The following PALB2 variants were observed in gnomAD, a reference collection of about 807,000 sequenced individuals.
PALB2 encodes the protein partner and localizer of BRCA2.
Under a neutral mutation model 107.4 loss-of-function variants are expected in PALB2, and 82 were observed. The ratio of observed to expected loss-of-function variants is 0.76; its 90% CI spans 0.64 to 0.92. The LOEUF (loss-of-function observed/expected upper bound fraction) is 0.92, where lower values mean the gene tolerates loss of function less well. Among genes scored for constraint, PALB2 ranks in the 40% least tolerant of loss-of-function variants. The pLI is 0.00. For missense variants in PALB2, 1,374 were observed against 1,379.9 expected, an observed-to-expected ratio of 1.00 and a Z score of 0.07; for synonymous variants, 489 against 496.8, an observed-to-expected ratio of 0.98 and a Z score of 0.21.
Position 23,629,723 on chromosome 16 carries a change from G to A in PALB2, c.2431C>T (p.Pro811Ser), listed in dbSNP as rs866520250. The A allele has an allele frequency of 1.9e-6, 3 of 1,614,194 alleles. No homozygotes were observed. Among genetic ancestry groups the A allele is most frequent in the Non-Finnish European group, 2.5e-6 (3 of 1,180,030 alleles). ...DCDSVPPGTP[P>S]PIESFTFKEN... ...TTAAAAGTGAATGACTCAATGGGTGGAGGTGTTCCTGGCGGGACAGAGTCA... is the reference window on the plus strand; with the variant it reads ...TTAAAAGTGAATGACTCAATGGGTGAAGGTGTTCCTGGCGGGACAGAGTCA... Residue 811 changes from proline (P) to serine (S), a missense_variant, in exon 5 of 13, where the codon CCA (proline) becomes TCA (serine). Physicochemically the swap from Pro to Ser is moderately conservative, Grantham distance 74. Transcript: ENST00000261584.
At chr16:23,606,821 C>CTTTTTTTTTTTTTTT (rs545664784) in intron 12 of PALB2, among the ~76,000 whole-genome samples, 1 of 108,592 alleles carries the variant, frequency 9.2e-6, no homozygotes, top group African/African-American at 3.9e-5. Context: ...CTGCACCCTG[C>CTTTTTTTTTTTTTTT]TTTTTTTTTT....
In PALB2 at chr16:23,629,255, A is replaced by G. The variant is rs1567216906; in HGVS notation, c.2535T>C (p.Pro845=). 6.2e-7 allele frequency: 1 copy of G among 1,613,724 alleles called. No homozygotes were observed. Residue 845 remains proline (P), a synonymous_variant, in exon 6 of 13, where the codon CCT becomes CCC. Coordinates refer to ENST00000261584, the MANE Select transcript of PALB2 (RefSeq NM_024675.4). ...TGCCTGGGTTTATGCTATCAGAAGC[A>G]GGAAGCTCTGCTGTTTCAGTCTGTG... is the stretch of plus-strand genomic sequence containing the variant. ...SVEQTETAEL[P]ASDSINPGNL...
intron 10 of PALB2, 26 bp from the exon 11 acceptor site, chr16:23,614,117 G>A (rs778509295): frequency 1.1e-5 from 17 of 1,481,076 alleles, no homozygotes; most frequent in Non-Finnish European, 1.4e-5. Context: ...TAAATAAGCT[G>A]ATCACATTCT....
intron 12 of PALB2, 41 bp from the exon 13 acceptor site, chr16:23,603,710 CA>C: frequency 6.8e-7 from 1 of 1,463,408 alleles, no homozygotes. Context: ...ATTACATATC[CA>C]AAAAACAATT....
At chr16:23,638,774 G>A (rs1192206476) in intron 1 of PALB2, among the ~76,000 whole-genome samples, 4 of 152,122 alleles carry the variant, frequency 2.6e-5, no homozygotes, top group Non-Finnish European at 5.9e-5. Flanking sequence ...CTACTGACAG[G>A]GACTACTTTA....
At position 23,621,496 on chromosome 16, in the gene PALB2, T is replaced by C. The variant is rs750052146; in HGVS notation, c.2997-18A>G. 3 of 1,521,596 alleles carry C rather than the reference T, an allele frequency of 2.0e-6. No homozygotes were observed. The highest frequency in any genetic ancestry group is 1.1e-5 in the South Asian group (1 of 89,086). 94.3% of individuals were successfully genotyped at this position (1,521,596 alleles called of 1,614,324 possible). ...CTTTGCCTCTGTAATTAAAACAGTATGAAAAGTCAGTACTTTGCACTAAAG... is the reference window on the plus strand; with the variant it reads ...CTTTGCCTCTGTAATTAAAACAGTACGAAAAGTCAGTACTTTGCACTAAAG... On this transcript the variant is annotated intron_variant, in intron 9 of 12. Coordinates refer to ENST00000261584, the MANE Select transcript of PALB2 (RefSeq NM_024675.4).
intron 10 of PALB2, among the ~76,000 whole-genome samples, chr16:23,620,043 G>T (rs1272406288): frequency 6.6e-6 from 1 of 152,176 alleles, no homozygotes; most frequent in Non-Finnish European, 1.5e-5. Flanking sequence ...GCCTCCCAAA[G>T]TGCTGGGATT....
Position 23,629,651 on chromosome 16 carries a change from A to C in PALB2, c.2503T>G (p.Ser835Ala), listed in dbSNP as rs1343435250. The C allele has an allele frequency of 3.7e-6, 6 of 1,614,114 alleles. No homozygotes were observed. The highest frequency in any genetic ancestry group is 5.1e-6 in the Non-Finnish European group (6 of 1,179,980). ...GAAATGGATTGTACCTGTTCGACGG[A>C]ATGTTTATGCAGCTCCTGGCATGTG... Reference protein sequence around the residue: ...RNTCQELHKHSVEQTETAELP... With the variant: ...RNTCQELHKHAVEQTETAELP... Residue 835 changes from serine (S) to alanine (A), a missense_variant, in exon 5 of 13, where the codon TCC becomes GCC. Coordinates refer to ENST00000261584, the MANE Select transcript of PALB2 (RefSeq NM_024675.4).
At chr16:23,620,142 C>T (rs2142321484) in intron 10 of PALB2, among the ~76,000 whole-genome samples, 1 of 152,260 alleles carries the variant, frequency 6.6e-6, no homozygotes, top group Non-Finnish European at 1.5e-5. Context: ...TGAACTTGAA[C>T]TCCAAATGCC....
chr16:23,623,464 A>G (rs1966812008), intron 8 of PALB2, among the ~76,000 whole-genome samples: 1 of 144,236 alleles, frequency 6.9e-6, no homozygotes, highest in Non-Finnish European at 1.5e-5. Context: ...GGCCTCCCAA[A>G]GTGCTGGGAT....
chr16:23,640,732 C>T (rs891506519), intron 1 of PALB2: 2 of 272,922 alleles, frequency 7.3e-6, no homozygotes. Flanking sequence ...TACGCCCCTC[C>T]TCCACCACCC....
At position 23,635,442 on chromosome 16, in the gene PALB2, A is replaced by T. The variant is rs1348407391; in HGVS notation, c.1104T>A (p.Asn368Lys). ...PSDTLDGRNE[N>K]LQESEILSQP... Reference sequence around the variant, plus strand: ...GACTTAGAATCTCACTTTCCTGAAGATTTTCATTCCTGCCATCAAGAGTGT... The same window carrying T: ...GACTTAGAATCTCACTTTCCTGAAGTTTTTCATTCCTGCCATCAAGAGTGT... The change falls in exon 4 of 13, where the codon AAT becomes AAA. Residue 368 changes from asparagine (N) to lysine (K), a missense_variant. Physicochemically the swap from Asn to Lys is moderately conservative, Grantham distance 94. Transcript: ENST00000261584. 6.2e-7 allele frequency: 1 copy of T among 1,613,914 alleles called. No homozygotes were observed. The highest frequency in any genetic ancestry group is 1.3e-5 in the African/African-American group (1 of 74,894).
At position 23,608,001 on chromosome 16, in the gene PALB2, A is replaced by G. The variant is rs774412039; in HGVS notation, c.3213T>C (p.Phe1071=). Residue 1071 remains phenylalanine, a synonymous_variant, in exon 12 of 13, where the codon TTT becomes TTC. Coordinates refer to ENST00000261584, the MANE Select transcript of PALB2 (RefSeq NM_024675.4). ...HKAYSEMGLL[F]IVLSHPCAKE... ...TGGCACAGGGATGACTCAGGACAAT[A>G]AAGAGAAGCCCCTAATTTCGGAGAA... 6.2e-7 allele frequency: 1 copy of G among 1,613,980 alleles called. No homozygotes were observed. Among genetic ancestry groups the G allele is most frequent in the Non-Finnish European group, 8.5e-7 (1 of 1,179,866 alleles).
At chr16:23,624,691 A>G (rs995154490) in intron 7 of PALB2, among the ~76,000 whole-genome samples, 3 of 152,152 alleles carry the variant, frequency 2.0e-5, no homozygotes, top group Non-Finnish European at 2.9e-5. Flanking sequence ...TTTTATTTTT[A>G]GGAGAGACGG....
Position 23,635,588 on chromosome 16 carries a change from T to G in PALB2, c.958A>C (p.Asn320His). Residue 320 changes from asparagine to histidine, a missense_variant, in exon 4 of 13, where the codon AAT becomes CAT. Transcript: ENST00000261584. ...GAACATGAAATATTTGCCTCTAAAT[T>G]AGAACTTGTGGGCAGTTGGCCACTT... is the stretch of plus-strand genomic sequence containing the variant. Reference protein sequence around the residue: ...SKSGQLPTSSNLEANISCSLN... With the variant: ...SKSGQLPTSSHLEANISCSLN... The G allele has an allele frequency of 6.2e-7, 1 of 1,613,348 alleles. No homozygotes were observed.
Position 23,636,245 on chromosome 16 carries a change from C to G in PALB2, c.301G>C (p.Asp101His), listed in dbSNP as rs794727654. 6.2e-7 allele frequency: 1 copy of G among 1,613,686 alleles called. No individual in the cohort carries two copies. Among genetic ancestry groups the G allele is most frequent in the African/African-American group, 1.3e-5 (1 of 74,832 alleles). ...ETGEKTSITL[D>H]VGPESFNPGD... ...GGGTTAAAGGACTCAGGCCCAACAT[C>G]AAGTGTGATAGATGTCTTTTCTCCA... is the stretch of plus-strand genomic sequence containing the variant. Residue 101 changes from aspartate (D) to histidine (H), a missense_variant, in exon 4 of 13, where the codon GAT becomes CAT. Asp to His is a moderately conservative substitution (Grantham distance 81). Transcript: ENST00000261584.
intron 11 of PALB2, among the ~76,000 whole-genome samples, chr16:23,609,004 T>G (rs1445676380): frequency 1.3e-5 from 2 of 152,000 alleles, no homozygotes; most frequent in Non-Finnish European, 1.5e-5. Flanking sequence ...ATTTTTGTAT[T>G]TTTAGTAGAG....
In PALB2 at chr16:23,636,217, C is replaced by T. The variant is rs1341395298; in HGVS notation, c.329G>A (p.Gly110Glu). The T allele has an allele frequency of 1.2e-6, 2 of 1,613,156 alleles. No individual in the cohort carries two copies. The highest frequency in any genetic ancestry group is 1.7e-6 in the Non-Finnish European group (2 of 1,179,890). The change falls in exon 4 of 13, where the codon GGA (glycine) becomes GAA (glutamate). Residue 110 changes from glycine (G) to glutamate (E), a missense_variant. By Grantham distance (98) the Gly-to-Glu change is moderately conservative. Coordinates refer to ENST00000261584, the MANE Select transcript of PALB2 (RefSeq NM_024675.4). ...TATAGGTAATCCTCCTGGGCCATCT[C>T]CAGGGTTAAAGGACTCAGGCCCAAC... ...LDVGPESFNP[G>E]DGPGGLPIQR...
At chr16:23,625,715 T>C (rs902397721) in intron 7 of PALB2, among the ~76,000 whole-genome samples, 1 of 151,998 alleles carries the variant, frequency 6.6e-6, no homozygotes, top group African/African-American at 2.4e-5. Flanking sequence ...AAGAATCCCT[T>C]GAACCTGGGC....
Sources: gnomAD v4.1 joint callset for allele counts (sites outside exome capture counted in the v4.1 genomes callset) on GRCh38, gnomAD v4.1.1 for gene constraint, MANE v1.5 for transcripts, NCBI Gene and HGNC (gene_info 2026-07-23, HGNC 2026-07-21) for gene names.